RPLP0: variants seen among roughly 807,000 people sequenced by gnomAD.
RPLP0 encodes large ribosomal subunit protein uL10.
For synonymous variants in RPLP0, 137 were observed against 153.4 expected, an observed-to-expected ratio of 0.89 and a Z score of 0.79; for missense variants, 276 against 402.9, an observed-to-expected ratio of 0.69 and a Z score of 2.70.
chr12:120,200,684 G>A, intron 2 of RPLP0, 46 bp downstream of exon 2: 1 of 1,588,992 alleles, frequency 6.3e-7, no homozygotes, highest in Non-Finnish European at 8.6e-7. Flanking sequence ...GTCCCTATTT[G>A]CGCTGGGGCA....
At chr12:120,200,656 A>G (rs1013600957) in intron 2 of RPLP0, 74 bp downstream of exon 2, 13 of 1,528,584 alleles carry the variant, frequency 8.5e-6, no homozygotes, top group Non-Finnish European at 1.2e-5. Flanking sequence ...GTAGACCCTC[A>G]GCACATAGCA....
At position 120,200,850 on chromosome 12, in the gene RPLP0, C is replaced by G; in HGVS notation, c.-48-19G>C. ...GATGTCACTGAGGAGAGACAGGGAG[C>G]TCAGGCCTGGTCACGCCGACACCCA... On this transcript the variant is annotated intron_variant, in intron 1 of 7. Coordinates refer to ENST00000392514, the MANE Select transcript of RPLP0 (RefSeq NM_001002.4). The G allele has an allele frequency of 7.0e-6, 11 of 1,576,750 alleles. No homozygotes were observed. The South Asian group carries it at 1.3e-4, about 18-fold the overall frequency.
At chr12:120,197,220 G>T in intron 7 of RPLP0, 102 bp downstream of exon 7, 1 of 1,151,258 alleles carries the variant, frequency 8.7e-7, no homozygotes, top group Non-Finnish European at 1.3e-6. Context: ...AAAATTATCT[G>T]CTATATAAAA....
At chr12:120,197,247 G>T (rs888264918) in intron 7 of RPLP0, 75 bp downstream of exon 7, 13 of 1,347,226 alleles carry the variant, frequency 9.6e-6, no homozygotes, top group Non-Finnish European at 1.4e-5. Flanking sequence ...TATAAAAGCA[G>T]TAAGGTAGAA....
At position 120,199,020 on chromosome 12, in the gene RPLP0, G is replaced by A; in HGVS notation, c.319-20C>T. 1.9e-6 allele frequency: 3 copies of A among 1,614,006 alleles called. No individual in the cohort carries two copies. Among genetic ancestry groups the A allele is most frequent in the Non-Finnish European group, 2.5e-6 (3 of 1,179,906 alleles). On this transcript the variant is annotated intron_variant, in intron 4 of 7. Transcript: ENST00000392514. ...TGGCACCTGACAAAGACAACAAACAGTGAGAAAAGCCTCTCCACTCACACA... is the reference window on the plus strand; with the variant it reads ...TGGCACCTGACAAAGACAACAAACAATGAGAAAAGCCTCTCCACTCACACA...
At position 120,198,616 on chromosome 12, in the gene RPLP0, T is replaced by G; in HGVS notation, c.589A>C (p.Ser197Arg). The G allele has an allele frequency of 6.2e-7, 1 of 1,614,104 alleles. No individual in the cohort carries two copies. Among genetic ancestry groups the G allele is most frequent in the South Asian group, 1.1e-5 (1 of 91,082 alleles). ...TCAAGCACTTCAGGGTTGTAGATGC[T>G]GCCATTGTCGAACACCTGCTGGATG... ...LVIQQVFDNG[S>R]IYNPEVLDIT... is the part of the protein sequence containing the mutation. Residue 197 changes from serine (S) to arginine (R), a missense_variant, in exon 6 of 8, where the codon AGC becomes CGC. Physicochemically the swap from Ser to Arg is moderately radical, Grantham distance 110. Coordinates refer to ENST00000392514, the MANE Select transcript of RPLP0 (RefSeq NM_001002.4). This position sits in a 1 kb window ranked among gnomAD's most constrained non-coding sequence, Gnocchi z 4.1.
Position 120,198,303 on chromosome 12 carries a change from T to G in RPLP0, c.651+251A>C. ...AGGAGGCTGAGGCAGGAGAATGGTG[T>G]GAACCCGGAGGCGGAGCTTGCAGTG... is the stretch of plus-strand genomic sequence containing the variant. On this transcript the variant is annotated intron_variant, in intron 6 of 7. Transcript: ENST00000392514. The surrounding 1 kb of genome is among the most constrained non-coding windows in gnomAD (Gnocchi z 4.1). 2.2e-6 allele frequency: 1 copy of G among 445,322 alleles called. No individual in the cohort carries two copies. Among genetic ancestry groups the G allele is most frequent in the Middle Eastern group, 6.5e-4 (1 of 1,530 alleles). The allele number at this position is 445,322 out of a possible 1,614,324, so 27.6% of individuals were successfully genotyped here.
intron 7 of RPLP0, 99 bp downstream of exon 7, chr12:120,197,223 A>G (rs1046912355): frequency 4.3e-6 from 5 of 1,170,064 alleles, no homozygotes; most frequent in East Asian, 4.7e-5. Context: ...ATTATCTGCT[A>G]TATAAAATAC....
At chr12:120,200,858 T>C (rs1879427847) in intron 1 of RPLP0, 27 bp from the exon 2 acceptor site, 2 of 1,561,162 alleles carry the variant, frequency 1.3e-6, no homozygotes, top group Non-Finnish European at 1.7e-6. Context: ...AGCTCAGGCC[T>C]GGTCACGCCG....
At position 120,198,484 on chromosome 12, in the gene RPLP0, G is replaced by A; in HGVS notation, c.651+70C>T. 1.2e-5 allele frequency: 19 copies of A among 1,524,460 alleles called. No individual in the cohort carries two copies. The South Asian group carries it at 1.9e-4, about 15-fold the overall frequency. The allele number at this position is 1,524,460 out of a possible 1,614,324, so 94.4% of individuals were successfully genotyped here. ...GATGAAAACACAGTCCTTGGTTACA[G>A]GGACTCAGTCTGAACCTTGTCATGC... is the stretch of plus-strand genomic sequence containing the variant. On this transcript the variant is annotated intron_variant, in intron 6 of 7. Transcript: ENST00000392514. This position sits in a 1 kb window ranked among gnomAD's most constrained non-coding sequence, Gnocchi z 4.1.
At chr12:120,200,630 T>G (rs1219486018) in intron 2 of RPLP0, 100 bp downstream of exon 2, 2 of 1,329,444 alleles carry the variant, frequency 1.5e-6, no homozygotes, top group Admixed American at 2.4e-5. Flanking sequence ...ATGGCCTAAT[T>G]CAGTAGCCGG....
chr12:120,199,169 C>T lies in RPLP0; in HGVS notation c.267G>A (p.Val89=), dbSNP rs767676776. 3.2e-5 allele frequency: 52 copies of T among 1,614,016 alleles called. No homozygotes were observed. The highest frequency in any genetic ancestry group is 4.1e-5 in the Non-Finnish European group (48 of 1,179,980). The change falls in exon 4 of 8, where the codon GTG becomes GTA. Residue 89 remains valine (V), a synonymous_variant. Transcript: ENST00000392514. ...TCTCAGTGAGGTCCTCCTTGGTGAA[C>T]ACAAAGCCCACATTCCCCCGGATAT... is the stretch of plus-strand genomic sequence containing the variant. ...LPHIRGNVGF[V]FTKEDLTEIR...
rs574095710 is a variant in RPLP0, at chr12:120,200,557, G to C, written c.54+173C>G. 3.0e-5 allele frequency: 20 copies of C among 659,832 alleles called. No individual in the cohort carries two copies. In the South Asian group the frequency reaches 4.2e-4, roughly 14 times the overall value. 40.9% of individuals were successfully genotyped at this position (659,832 alleles called of 1,614,324 possible). Reference sequence around the variant, plus strand: ...GGACCCACTTAACTTGCCTGAGCCCGTTTATCTGCAACAGAAGGGACCTAT... The same window carrying C: ...GGACCCACTTAACTTGCCTGAGCCCCTTTATCTGCAACAGAAGGGACCTAT... On this transcript the variant is annotated intron_variant, in intron 2 of 7. Coordinates refer to ENST00000392514, the MANE Select transcript of RPLP0 (RefSeq NM_001002.4).
chr12:120,200,968 C>G, intron 1 of RPLP0, 115 bp downstream of exon 1: 1 of 1,038,564 alleles, frequency 9.6e-7, no homozygotes, highest in Non-Finnish European at 1.3e-6. Flanking sequence ...GCGTGCAAGC[C>G]GCCACCGAGG....
chr12:120,201,011 C>T (rs1879439952), intron 1 of RPLP0, 72 bp downstream of exon 1: 2 of 577,726 alleles, frequency 3.5e-6, no homozygotes, highest in Non-Finnish European at 5.6e-6. Flanking sequence ...CTCCATGTTC[C>T]CAAAGGCCCC....
rs1879244998 is a variant in RPLP0, at chr12:120,197,933, A to AT, written c.652-472dup. 9 of 152,726 alleles carry AT rather than the reference A, an allele frequency of 5.9e-5. No homozygotes were observed. The South Asian group carries it at 1.0e-3, about 17-fold the overall frequency. The allele number at this position is 152,726 out of a possible 1,614,324, so 9.5% of individuals were successfully genotyped here. A position where few individuals can be genotyped will look rare whatever the true frequency, so the allele number is the denominator to read the frequency against. On this transcript the variant is annotated intron_variant, in intron 6 of 7. Coordinates refer to ENST00000392514, the MANE Select transcript of RPLP0 (RefSeq NM_001002.4). ...CACTATTATTCATTATTTAAAGGGC[A>AT]TTATTTTTTTTGTGAGACAGAGTCT...
At chr12:120,200,408 A>G (rs1206783256) in intron 2 of RPLP0, 8 of 348,738 alleles carry the variant, frequency 2.3e-5, no homozygotes, top group East Asian at 2.2e-4. Context: ...GGTTGCAGTA[A>G]GCCAAGATCA....
chr12:120,200,792 T>C lies in RPLP0; in HGVS notation c.-9A>G. 2 of 1,610,012 alleles carry C rather than the reference T, an allele frequency of 1.2e-6. No individual in the cohort carries two copies. The highest frequency in any genetic ancestry group is 8.5e-7 in the Non-Finnish European group (1 of 1,178,770). On this transcript the variant is annotated 5_prime_UTR_variant, in exon 2 of 8. Coordinates refer to ENST00000392514, the MANE Select transcript of RPLP0 (RefSeq NM_001002.4). ...CTGTCTTCCCTGGGCATCACGGCGG[T>C]GCGTCAGGGATTGCCACGCAGGGTT...
rs1879293235 is a variant in RPLP0 at position 120,199,011 on chromosome 12, C to A, written c.319-11G>T. On this transcript the variant is annotated splice_polypyrimidine_tract_variant and intron_variant, in intron 4 of 7. Transcript: ENST00000392514. ...GGCAGCAGCTGGCACCTGACAAAGA[C>A]AACAAACAGTGAGAAAAGCCTCTCC... The A allele has an allele frequency of 1.2e-6, 2 of 1,614,060 alleles. No individual in the cohort carries two copies. The highest frequency in any genetic ancestry group is 1.7e-6 in the Non-Finnish European group (2 of 1,179,956).
Sources: gnomAD v4.1 joint callset for allele counts on GRCh38, gnomAD v4.1.1 for gene constraint, Gnocchi (gnomAD v3.1) non-coding constraint, MANE v1.5 for transcripts, NCBI Gene and HGNC (gene_info 2026-07-23, HGNC 2026-07-21) for gene names.